MARK3: variants seen among roughly 807,000 people sequenced by gnomAD.
The protein encoded by MARK3 is microtubule affinity regulating kinase 3, also known as MAP/microtubule affinity-regulating kinase 3.
Under a neutral mutation model 90.1 loss-of-function variants are expected in MARK3, and 46 were observed. The observed-to-expected ratio is 0.51, with a 90% confidence interval of 0.40 to 0.65. The LOEUF (loss-of-function observed/expected upper bound fraction) is 0.65. Ranked by LOEUF, MARK3 falls within the 30% of genes least tolerant of loss-of-function variation. The probability of loss-of-function intolerance (pLI) is 0.00; values close to 1 mark genes in which losing one functional copy is unlikely to be tolerated. For synonymous variants in MARK3, 321 were observed against 332.6 expected, an observed-to-expected ratio of 0.97 and a Z score of 0.38; for missense variants, 818 against 947.2, an observed-to-expected ratio of 0.86 and a Z score of 1.79.
intron 17 of MARK3, among the ~76,000 whole-genome samples, chr14:103,501,792 A>G (rs2075681993): frequency 6.6e-6 from 1 of 152,184 alleles, no homozygotes; most frequent in African/African-American, 2.4e-5. Context: ...GCTTTTGCTT[A>G]TCTTTGTAAC....
At chr14:103,398,062 T>C (rs888077931) in intron 1 of MARK3, among the ~76,000 whole-genome samples, 1 of 152,238 alleles carries the variant, frequency 6.6e-6, no homozygotes, top group Non-Finnish European at 1.5e-5. Flanking sequence ...TGCATCTAAC[T>C]GCTGAATAGC....
At chr14:103,449,412 CAAAA>C (rs34657716) in intron 4 of MARK3, among the ~76,000 whole-genome samples, 1 of 83,992 alleles carries the variant, frequency 1.2e-5, no homozygotes, top group African/African-American at 4.7e-5. Flanking sequence ...CCCGTCTCTC[CAAAA>C]AAAAAAAAAA....
chr14:103,483,068 G>A (rs1313543910), intron 14 of MARK3, among the ~76,000 whole-genome samples: 1 of 152,150 alleles, frequency 6.6e-6, no homozygotes, highest in Non-Finnish European at 1.5e-5. Context: ...TTTAGTTAAG[G>A]CACTAAATGT....
intron 12 of MARK3, among the ~76,000 whole-genome samples, chr14:103,474,282 A>G (rs1419541693): frequency 6.6e-6 from 1 of 152,228 alleles, no homozygotes; most frequent in East Asian, 1.9e-4. Flanking sequence ...TATACTAGTT[A>G]TCATGTTCAT....
At chr14:103,404,945 C>T in intron 1 of MARK3, 131 bp from the exon 2 acceptor site, 2 of 582,650 alleles carry the variant, frequency 3.4e-6, no homozygotes, top group Non-Finnish European at 5.7e-6. Context: ...TGGTTAAATT[C>T]CTTTGAAGTG....
At chr14:103,416,033 A>G (rs1383268929) in intron 2 of MARK3, among the ~76,000 whole-genome samples, 1 of 152,164 alleles carries the variant, frequency 6.6e-6, no homozygotes, top group Non-Finnish European at 1.5e-5. Context: ...CTGTGTAAGT[A>G]TTGTTGAGCT....
chr14:103,402,279 G>C (rs1022613516), intron 1 of MARK3, among the ~76,000 whole-genome samples: 6 of 152,120 alleles, frequency 3.9e-5, no homozygotes, highest in Non-Finnish European at 5.9e-5. Context: ...CTGGCCGAGC[G>C]CGGTGGCTCA....
rs1402029529 is a variant in MARK3 at position 103,468,049 on chromosome 14, C to A, written c.1127C>A (p.Ser376Tyr). 6.2e-7 allele frequency: 1 copy of A among 1,613,614 alleles called. No individual in the cohort carries two copies. Among genetic ancestry groups the A allele is most frequent in the South Asian group, 1.1e-5 (1 of 90,960 alleles). ...TTCTCTTAGCTGGATGCTAGTGATT[C>A]CAGTTCTAGCAGCAATCTTTCACTT... ...RKSSELDASD[S>Y]SSSSNLSLAK... The change falls in exon 12 of 18, where the codon TCC (serine) becomes TAC (tyrosine). Residue 376 changes from serine to tyrosine, a missense_variant. Physicochemically the swap from Ser to Tyr is moderately radical, Grantham distance 144. This residue lies in a region of MARK3 where 560 missense variants were observed against 613.5 expected (regional missense o/e 0.91). Coordinates refer to ENST00000429436, the MANE Select transcript of MARK3 (RefSeq NM_001128918.3).
intron 12 of MARK3, among the ~76,000 whole-genome samples, chr14:103,473,476 A>G (rs181803199): frequency 1.8e-4 from 27 of 152,326 alleles, no homozygotes; most frequent in African/African-American, 6.3e-4. Context: ...TAGTAATCTG[A>G]AAGTTCACAA....
intron 2 of MARK3, among the ~76,000 whole-genome samples, chr14:103,426,153 A>G (rs1465946568): frequency 6.6e-6 from 1 of 152,214 alleles, no homozygotes; most frequent in African/African-American, 2.4e-5. Flanking sequence ...TCCAGAGGTT[A>G]CATGATGTGT....
In MARK3 at chr14:103,386,090, C is replaced by A. The variant is rs774306720; in HGVS notation, c.51+10C>A. The stretch of plus-strand genomic sequence containing the variant: ...ACGAGACACTGAAAACGTAAGTAAC[C>A]TGGGCGTTGTAGTTGGCGGACCTTC... On this transcript the variant is annotated intron_variant, in intron 1 of 17. Coordinates refer to ENST00000429436, the MANE Select transcript of MARK3 (RefSeq NM_001128918.3). 1.2e-6 allele frequency: 2 copies of A among 1,614,044 alleles called. No individual in the cohort carries two copies. The highest frequency in any genetic ancestry group is 2.2e-5 in the South Asian group (2 of 91,088).
At chr14:103,397,952 A>C (rs1595457000) in intron 1 of MARK3, among the ~76,000 whole-genome samples, 1 of 152,182 alleles carries the variant, frequency 6.6e-6, no homozygotes, top group East Asian at 1.9e-4. Flanking sequence ...TTACTGTTTT[A>C]ATGTGTTTAG....
chr14:103,496,174 G>T (rs992786337), intron 15 of MARK3, among the ~76,000 whole-genome samples: 1 of 152,232 alleles, frequency 6.6e-6, no homozygotes, highest in Non-Finnish European at 1.5e-5. Flanking sequence ...CAGTGTGAAG[G>T]CCTCCTCCTG....
intron 9 of MARK3, 94 bp downstream of exon 9, chr14:103,466,185 C>T: frequency 6.8e-7 from 1 of 1,476,528 alleles, no homozygotes; most frequent in Non-Finnish European, 9.2e-7. Flanking sequence ...TGGATATATC[C>T]TGCGGCTTTT....
At chr14:103,386,408 A>G (rs1472492790) in intron 1 of MARK3, 1 of 629,698 alleles carries the variant, frequency 1.6e-6, no homozygotes, top group Non-Finnish European at 3.0e-6. Flanking sequence ...AGATCACTGC[A>G]GTGGTCAGTG....
Position 103,475,191 on chromosome 14 carries a change from A to G in MARK3, c.1463A>G (p.Lys488Arg). ...PNKADIPERK[K>R]SSTVPSSNTA... is the part of the protein sequence containing the mutation. ...AAGGCGGATATTCCTGAACGCAAGAAAAGCTCCACTGTCCCTAGTGTAAGT... is the reference window on the plus strand; with the variant it reads ...AAGGCGGATATTCCTGAACGCAAGAGAAGCTCCACTGTCCCTAGTGTAAGT... The change falls in exon 13 of 18, where the codon AAA becomes AGA. Residue 488 changes from lysine (K) to arginine (R), a missense_variant. Coordinates refer to ENST00000429436, the MANE Select transcript of MARK3 (RefSeq NM_001128918.3). 4 of 1,613,406 alleles carry G rather than the reference A, an allele frequency of 2.5e-6. No individual in the cohort carries two copies. The highest frequency in any genetic ancestry group is 3.4e-6 in the Non-Finnish European group (4 of 1,180,018).
intron 13 of MARK3, among the ~76,000 whole-genome samples, chr14:103,479,938 C>G (rs1047690379): frequency 6.6e-6 from 1 of 152,036 alleles, no homozygotes; most frequent in African/African-American, 2.4e-5. Context: ...CCGCGCCCAG[C>G]CGTTGTATAG....
At chr14:103,491,603 G>A (rs1461732043) in intron 14 of MARK3, 174 bp from the exon 15 acceptor site, 1 of 615,202 alleles carries the variant, frequency 1.6e-6, no homozygotes, top group East Asian at 2.8e-5. Flanking sequence ...ATTATGTATT[G>A]TTCTTTTGGT....
intron 15 of MARK3, among the ~76,000 whole-genome samples, chr14:103,497,596 T>TACATAA (rs1368261930): frequency 2.0e-5 from 3 of 152,256 alleles, no homozygotes; most frequent in Non-Finnish European, 4.4e-5. Flanking sequence ...TTCATACTGT[T>TACATAA]GTCTTGACAC....
Sources: allele counts gnomAD v4.1 joint callset (sites outside exome capture counted in the v4.1 genomes callset), GRCh38; gene constraint gnomAD v4.1.1; regional missense constraint gnomAD v4.1.1; transcripts MANE v1.5; gene names NCBI Gene and HGNC (gene_info 2026-07-23, HGNC 2026-07-21).